The following FHIP2A variants were observed in gnomAD, a reference collection of about 807,000 sequenced individuals.
FHIP2A encodes FHF complex subunit HOOK interacting protein 2A.
A neutral mutation model predicts 93.5 loss-of-function variants in FHIP2A; 46 were observed. That is an observed-to-expected ratio of 0.49 (90% CI 0.39 to 0.63). The LOEUF (loss-of-function observed/expected upper bound fraction) is 0.63. Among genes scored for constraint, FHIP2A ranks in the 20% least tolerant of loss-of-function variants. FHIP2A has a pLI of 0.00. For missense variants in FHIP2A, 769 were observed against 909.7 expected (o/e 0.85, Z 1.99); for synonymous variants, 332 against 326.5 (o/e 1.02, Z -0.18).
chr10:114,846,773 A>G, intron 11 of FHIP2A, 45 bp downstream of exon 11: 3 of 1,494,724 alleles, frequency 2.0e-6, no homozygotes, highest in Non-Finnish European at 2.7e-6. Context: ...TCATGTAGAG[A>G]TAGAACTTTC....
rs553029183 is a variant in FHIP2A, at chr10:114,826,839, C to T, written c.46-4013C>T. 1.1e-4 allele frequency among the ~76,000 whole-genome samples: 16 copies of T among 152,222 alleles called. No individual in the cohort carries two copies. The South Asian group carries it at 3.3e-3, about 32-fold the overall frequency. On this transcript the variant is annotated intron_variant, in intron 1 of 16. Coordinates refer to ENST00000369248, the MANE Select transcript of FHIP2A (RefSeq NM_020940.4). The stretch of plus-strand genomic sequence containing the variant: ...TGAAACCCCATCTTTACTAAAAATA[C>T]AAAAATTAGCCAGATGCGGTAGCAT...
At chr10:114,830,657 C>A (rs1227471900) in intron 1 of FHIP2A, among the ~76,000 whole-genome samples, 195 bp from the exon 2 acceptor site, 1 of 152,092 alleles carries the variant, frequency 6.6e-6, no homozygotes. Flanking sequence ...ATATGTTTTT[C>A]CTCTTCTTGA....
rs1186966237 is a variant in FHIP2A at position 114,862,203 on chromosome 10, A to G, written c.*663A>G. The G allele has an allele frequency of 4.1e-6, 4 of 964,128 alleles. No individual in the cohort carries two copies. The Admixed American group carries it at 1.8e-4, about 45-fold the overall frequency. 59.7% of individuals were successfully genotyped at this position (964,128 alleles called of 1,614,324 possible). A position where few individuals can be genotyped will look rare whatever the true frequency, so the allele number is the denominator to read the frequency against. The stretch of plus-strand genomic sequence containing the variant: ...GAAATGTTCTTTTACTCTTTTGTGC[A>G]CATAGCCATGTTAGTGATTTTCTTC... On this transcript the variant is annotated 3_prime_UTR_variant, in exon 17 of 17. Coordinates refer to ENST00000369248, the MANE Select transcript of FHIP2A (RefSeq NM_020940.4).
intron 7 of FHIP2A, among the ~76,000 whole-genome samples, chr10:114,844,714 G>C (rs2083689904): frequency 6.6e-6 from 1 of 152,010 alleles, no homozygotes; most frequent in Non-Finnish European, 1.5e-5. Context: ...GATGTTACTT[G>C]GTAACATTTA....
intron 5 of FHIP2A, among the ~76,000 whole-genome samples, chr10:114,840,606 G>T (rs1018998849): frequency 1.3e-5 from 2 of 152,202 alleles, no homozygotes; most frequent in Non-Finnish European, 2.9e-5. Context: ...CTACGACCAA[G>T]TTGGAAGCAG....
chr10:114,836,333 G>A, intron 5 of FHIP2A, 87 bp downstream of exon 5: 1 of 1,076,218 alleles, frequency 9.3e-7, no homozygotes, highest in South Asian at 1.9e-5. Context: ...ATTAGAAGGA[G>A]CTCTGTTTTG....
At chr10:114,865,086 C>T (rs948888102), downstream of FHIP2A, among the ~76,000 whole-genome samples, 2 of 152,040 alleles carry the variant, frequency 1.3e-5, no homozygotes, top group Non-Finnish European at 2.9e-5. Context: ...CCCCTGGGTT[C>T]AAGTGATTCT....
intron 5 of FHIP2A, among the ~76,000 whole-genome samples, chr10:114,838,908 G>A (rs529742304): frequency 1.5e-4 from 23 of 152,200 alleles, no homozygotes; most frequent in African/African-American, 5.5e-4. Context: ...TAACGAATAG[G>A]ACTATTCATA....
chr10:114,843,753 G>A lies in FHIP2A; in HGVS notation c.829G>A (p.Ala277Thr). 6.5e-7 allele frequency: 1 copy of A among 1,547,548 alleles called. No individual in the cohort carries two copies. Among genetic ancestry groups the A allele is most frequent in the Non-Finnish European group, 8.7e-7 (1 of 1,153,454 alleles). Residue 277 changes from alanine (A) to threonine (T), a missense_variant, in exon 7 of 17, where the codon GCT becomes ACT. Transcript: ENST00000369248. ...NLTRSPDGRIAVKACEGLMLL... is the reference protein window; with the variant it reads ...NLTRSPDGRITVKACEGLMLL... ...TTTTTTCCTTTAGGATGGCAGAATAGCTGTGAAGGCATGTGAAGGCTTGAT... is the reference window on the plus strand; with the variant it reads ...TTTTTTCCTTTAGGATGGCAGAATAACTGTGAAGGCATGTGAAGGCTTGAT...
exon 17 of FHIP2A, chr10:114,899,792 T>G (rs941487466): frequency 2.1e-5 from 9 of 422,426 alleles, no homozygotes; most frequent in African/African-American, 1.8e-4. Flanking sequence ...TAAAAAATAC[T>G]GTTATCAATA....
intron 1 of FHIP2A, among the ~76,000 whole-genome samples, chr10:114,826,515 GT>G (rs2083577282): frequency 6.6e-6 from 1 of 152,220 alleles, no homozygotes; most frequent in African/African-American, 2.4e-5. Context: ...CTCAGTAAAA[GT>G]CAACCATTAT....
Position 114,821,991 on chromosome 10 carries a change from G to A in FHIP2A, c.-88G>A. The A allele has an allele frequency of 1.1e-6, 1 of 877,254 alleles. No homozygotes were observed. Among genetic ancestry groups the A allele is most frequent in the Non-Finnish European group, 1.5e-6 (1 of 659,320 alleles). 54.3% of individuals were successfully genotyped at this position (877,254 alleles called of 1,614,324 possible). The stretch of plus-strand genomic sequence containing the variant: ...CCGCACCGGCCTTCACTCTGGAGCG[G>A]CCCCGGCAGCCGCAGCAGGGGCGGC... On this transcript the variant is annotated 5_prime_UTR_variant, in exon 1 of 17. Coordinates refer to ENST00000369248, the MANE Select transcript of FHIP2A (RefSeq NM_020940.4).
intron 16 of FHIP2A, among the ~76,000 whole-genome samples, chr10:114,876,261 A>T (rs536270282): frequency 2.4e-4 from 36 of 152,252 alleles, no homozygotes; most frequent in Admixed American, 1.4e-3. Flanking sequence ...AGCGCTGTGG[A>T]CCAGGCATGC....
Position 114,845,439 on chromosome 10 carries a change from C to G in FHIP2A, c.1086C>G (p.Ser362=). The G allele has an allele frequency of 6.2e-7, 1 of 1,613,306 alleles. No homozygotes were observed. The highest frequency in any genetic ancestry group is 2.2e-5 in the East Asian group (1 of 44,780). Residue 362 remains serine, a synonymous_variant, in exon 8 of 17, where the codon TCC becomes TCG. Transcript: ENST00000369248. ...AACGAGCCTTAATTTCATTTCTTTC[C>G]TGGTTTGATTATTGTGATCAGCTCA... The part of the protein sequence containing the change: ...PGKRALISFL[S]WFDYCDQLIK...
At chr10:114,859,251 T>G (rs2083783873) in intron 14 of FHIP2A, among the ~76,000 whole-genome samples, 1 of 152,194 alleles carries the variant, frequency 6.6e-6, no homozygotes, top group Admixed American at 6.5e-5. Context: ...GAGTTTCTGT[T>G]TATGTAACAA....
At chr10:114,888,726 C>T (rs931330606) in intron 16 of FHIP2A, among the ~76,000 whole-genome samples, 1 of 152,096 alleles carries the variant, frequency 6.6e-6, no homozygotes, top group African/African-American at 2.4e-5. Context: ...CCTCAGTCGC[C>T]CAAGTAGCTG....
At position 114,864,408 on chromosome 10, in the gene FHIP2A, C is replaced by T. The variant is rs1384771931; in HGVS notation, c.*2868C>T. 2 of 985,500 alleles carry T rather than the reference C, an allele frequency of 2.0e-6. No homozygotes were observed. Among genetic ancestry groups the T allele is most frequent in the Non-Finnish European group, 2.4e-6 (2 of 829,742 alleles). 61.0% of individuals were successfully genotyped at this position (985,500 alleles called of 1,614,324 possible). A position where few individuals can be genotyped will look rare whatever the true frequency, so the allele number is the denominator to read the frequency against. ...CATTGTGACACTTTATGTGTTAAAA[C>T]ATGGTAGATAATCACATTTTCTGGG... On this transcript the variant is annotated 3_prime_UTR_variant, in exon 17 of 17. Transcript: ENST00000369248.
At chr10:114,886,470 G>A (rs2083943344) in intron 16 of FHIP2A, among the ~76,000 whole-genome samples, 1 of 151,938 alleles carries the variant, frequency 6.6e-6, no homozygotes, top group Non-Finnish European at 1.5e-5. Context: ...GGCCTTAGAT[G>A]TTAACGCGTG....
intron 16 of FHIP2A, among the ~76,000 whole-genome samples, chr10:114,879,578 G>A (rs2083906571): frequency 1.3e-5 from 2 of 152,164 alleles, no homozygotes; most frequent in African/African-American, 4.8e-5. Context: ...GAATCTCCCG[G>A]AAGTGGCATT....
Sources: gnomAD v4.1 joint callset for allele counts (sites outside exome capture counted in the v4.1 genomes callset) on GRCh38, gnomAD v4.1.1 for gene constraint, MANE v1.5 for transcripts, NCBI Gene and HGNC (gene_info 2026-07-23, HGNC 2026-07-21) for gene names.